FAM107B: variants seen among roughly 807,000 people sequenced by gnomAD.
FAM107B encodes the protein family with sequence similarity 107 member B.
A neutral mutation model predicts 31.5 loss-of-function variants in FAM107B; 21 were observed. The ratio of observed to expected loss-of-function variants is 0.67; its 90% CI spans 0.47 to 0.96. FAM107B has a LOEUF of 0.96. Ranked by LOEUF, FAM107B falls within the 40% of genes least tolerant of loss-of-function variation. The pLI is 0.00. For synonymous variants in FAM107B, 157 were observed against 141.5 expected, an observed-to-expected ratio of 1.11 and a Z score of -0.78; for missense variants, 452 against 377.1, an observed-to-expected ratio of 1.20 and a Z score of -1.64.
chr10:14,653,654 T>C (rs1473397861), intron 2 of FAM107B, among the ~76,000 whole-genome samples: 2 of 152,244 alleles, frequency 1.3e-5, no homozygotes, highest in Admixed American at 6.5e-5. Context: ...CAATGCACAG[T>C]TGCAAAATAT....
At chr10:14,705,258 G>A (rs1027786622) in intron 1 of FAM107B, among the ~76,000 whole-genome samples, 8 of 152,132 alleles carry the variant, frequency 5.3e-5, no homozygotes, top group African/African-American at 1.4e-4. Flanking sequence ...CTTGTACACT[G>A]CTGGGGGAAC....
At chr10:14,672,576 C>T (rs1231890881) in intron 1 of FAM107B, among the ~76,000 whole-genome samples, 1 of 151,884 alleles carries the variant, frequency 6.6e-6, no homozygotes, top group African/African-American at 2.4e-5. Context: ...TAGTTTATAA[C>T]CTGATGGGAC....
intron 1 of FAM107B, among the ~76,000 whole-genome samples, chr10:14,742,003 C>T (rs1042512503): frequency 2.6e-5 from 4 of 152,060 alleles, no homozygotes; most frequent in Non-Finnish European, 4.4e-5. Context: ...CATGAGCCAC[C>T]GCGTGCGGCC....
intron 1 of FAM107B, among the ~76,000 whole-genome samples, chr10:14,680,016 T>C (rs1224571578): frequency 4.6e-5 from 7 of 152,300 alleles, no homozygotes; most frequent in African/African-American, 1.7e-4. Flanking sequence ...CTTGTGATCG[T>C]GTGAGTCAAT....
intron 2 of FAM107B, among the ~76,000 whole-genome samples, chr10:14,576,266 C>T (rs1005427862): frequency 4.6e-5 from 7 of 152,168 alleles, no homozygotes; most frequent in Non-Finnish European, 8.8e-5. Context: ...CAGTGGCTCA[C>T]GCCTGCAATC....
chr10:14,674,377 A>G (rs1854629925), intron 1 of FAM107B, among the ~76,000 whole-genome samples: 1 of 152,240 alleles, frequency 6.6e-6, no homozygotes, highest in Non-Finnish European at 1.5e-5. Context: ...TCCAGAATAT[A>G]CAGGGGCTGT....
At chr10:14,596,736 T>A (rs1852200533) in intron 2 of FAM107B, among the ~76,000 whole-genome samples, 1 of 152,154 alleles carries the variant, frequency 6.6e-6, no homozygotes, top group East Asian at 1.9e-4. Flanking sequence ...AAAGATGATG[T>A]AGCTGATTCT....
intron 1 of FAM107B, among the ~76,000 whole-genome samples, chr10:14,751,663 C>T (rs1450390713): frequency 2.6e-5 from 4 of 152,078 alleles, no homozygotes; most frequent in African/African-American, 4.8e-5. Context: ...CCACTACTCC[C>T]GGCCTCCTTA....
At chr10:14,601,309 T>C (rs1208644509) in intron 2 of FAM107B, among the ~76,000 whole-genome samples, 1 of 152,188 alleles carries the variant, frequency 6.6e-6, no homozygotes, top group African/African-American at 2.4e-5. Flanking sequence ...GGATATGAGA[T>C]GGGTAAGACT....
intron 2 of FAM107B, among the ~76,000 whole-genome samples, chr10:14,612,736 C>T (rs1368448311): frequency 1.3e-5 from 2 of 152,034 alleles, no homozygotes; most frequent in East Asian, 1.9e-4. Flanking sequence ...AAATAACAGA[C>T]CTTTGTCCAA....
rs1375730369 is a variant in FAM107B, at chr10:14,667,677, T to G, written c.426A>C (p.Arg142=). The change falls in exon 2 of 5, where the codon CGA becomes CGC. Residue 142 remains arginine, a synonymous_variant. Transcript: ENST00000181796. ...CCAGCTCGAGGCATTTAGGTTCTTCTCGAAATTCTTCTTCCTAAGCGCCAG... is the reference window on the plus strand; with the variant it reads ...CCAGCTCGAGGCATTTAGGTTCTTCGCGAAATTCTTCTTCCTAAGCGCCAG... ...IIDTPKEEEF[R]EEPKCLELEQ... is the part of the protein sequence containing the mutation. The G allele has an allele frequency of 9.9e-6, 16 of 1,614,042 alleles. No individual in the cohort carries two copies. Among genetic ancestry groups the G allele is most frequent in the Non-Finnish European group, 1.0e-5 (12 of 1,180,008 alleles).
At chr10:14,770,881 A>G (rs1242258980) in intron 1 of FAM107B, among the ~76,000 whole-genome samples, 1 of 151,614 alleles carries the variant, frequency 6.6e-6, no homozygotes, top group Non-Finnish European at 1.5e-5. Flanking sequence ...ATTGTTTCCA[A>G]TATAAATGAG....
Position 14,668,029 on chromosome 10 carries a change from G to T in FAM107B, c.412-338C>A, listed in dbSNP as rs192078326. ...GTGACTTAGAAATGATGGTGACGGG[G>T]TTTTTTTTGTTTTTTGTTTTTTGGG... On this transcript the variant is annotated intron_variant, in intron 1 of 4. Transcript: ENST00000181796. Among the ~76,000 whole-genome samples, 517 of 151,272 alleles carry T rather than the reference G, an allele frequency of 3.4e-3. 5 individuals are homozygous for T. The highest frequency in any genetic ancestry group is 9.2e-3 in the African/African-American group (377 of 40,954).
chr10:14,722,579 T>G (rs1169373429), intron 1 of FAM107B, among the ~76,000 whole-genome samples: 2 of 152,240 alleles, frequency 1.3e-5, no homozygotes, highest in Non-Finnish European at 2.9e-5. Context: ...TGACTAATAT[T>G]GAGAATCTTG....
At chr10:14,567,668 T>A (rs1850794235) in intron 2 of FAM107B, among the ~76,000 whole-genome samples, 1 of 152,134 alleles carries the variant, frequency 6.6e-6, no homozygotes, top group Admixed American at 6.5e-5. Context: ...GCTGAAATGT[T>A]GGAATTCAAA....
intron 2 of FAM107B, among the ~76,000 whole-genome samples, chr10:14,537,956 A>G (rs1375904424): frequency 6.6e-6 from 1 of 152,202 alleles, no homozygotes; most frequent in Non-Finnish European, 1.5e-5. Context: ...ATTAGTAACA[A>G]TAATGCTGTC....
chr10:14,578,287 A>T (rs1178251373), intron 2 of FAM107B, among the ~76,000 whole-genome samples: 1 of 152,198 alleles, frequency 6.6e-6, no homozygotes, highest in African/African-American at 2.4e-5. Context: ...GGAGTTGAAC[A>T]AACATCAGTT....
intron 1 of FAM107B, among the ~76,000 whole-genome samples, chr10:14,717,793 A>G (rs2250712): frequency 0.5 from 75,811 of 151,830 alleles, 19,279 homozygotes; most frequent in African/African-American, 0.57. Context: ...CCATCTAGGC[A>G]TTCCTGAATC....
intron 1 of FAM107B, among the ~76,000 whole-genome samples, chr10:14,694,009 T>C (rs1374553515): frequency 2.0e-5 from 3 of 152,240 alleles, no homozygotes; most frequent in African/African-American, 7.2e-5. Context: ...ACTTAGCATA[T>C]TGCTCTCCGG....
Sources: gnomAD v4.1 joint callset for allele counts (sites outside exome capture counted in the v4.1 genomes callset) on GRCh38, gnomAD v4.1.1 for gene constraint, MANE v1.5 for transcripts, NCBI Gene and HGNC (gene_info 2026-07-23, HGNC 2026-07-21) for gene names.